The following PARD3B variants were observed in gnomAD, a reference collection of about 807,000 sequenced individuals.
PARD3B encodes the protein par-3 family cell polarity regulator beta.
PARD3B carries 103 observed loss-of-function variants against 130.2 expected under a neutral mutation model. The observed-to-expected ratio is 0.79, with a 90% CI of 0.67 to 0.93. The LOEUF (loss-of-function observed/expected upper bound fraction) is 0.93, where lower values mean the gene tolerates loss of function less well. Ranked by LOEUF, PARD3B falls within the 40% of genes least tolerant of loss-of-function variation. The probability of loss-of-function intolerance (pLI) is 0.00; values close to 1 mark genes in which losing one functional copy is unlikely to be tolerated. For synonymous variants in PARD3B, 583 were observed against 553.2 expected (o/e 1.05, Z -0.76); for missense variants, 1,609 against 1,499.2 (o/e 1.07, Z -1.21).
At chr2:205,031,879 A>G (rs1357407652) in intron 3 of PARD3B, among the ~76,000 whole-genome samples, 14 of 152,118 alleles carry the variant, frequency 9.2e-5, no homozygotes, top group Admixed American at 9.2e-4. Context: ...AGAGTCATGA[A>G]GTTTTGATCT....
At chr2:205,595,017 T>C (rs577184510) in intron 22 of PARD3B, among the ~76,000 whole-genome samples, 66 of 152,332 alleles carry the variant, frequency 4.3e-4, no homozygotes, top group African/African-American at 1.6e-3. Context: ...TTTTGTTTGT[T>C]TATTCACTTT....
intron 2 of PARD3B, among the ~76,000 whole-genome samples, chr2:204,932,605 A>G (rs1025209121): frequency 6.6e-6 from 1 of 152,206 alleles, no homozygotes; most frequent in Non-Finnish European, 1.5e-5. Flanking sequence ...AGAAGAATAG[A>G]TATCTAAATA....
At chr2:204,981,691 A>C (rs1035496229) in intron 3 of PARD3B, among the ~76,000 whole-genome samples, 7 of 152,238 alleles carry the variant, frequency 4.6e-5, no homozygotes, top group African/African-American at 1.7e-4. Flanking sequence ...GTGAGAAGAC[A>C]GTAACCATAA....
intron 19 of PARD3B, among the ~76,000 whole-genome samples, chr2:205,433,146 A>G (rs1487133378): frequency 6.6e-6 from 1 of 152,246 alleles, no homozygotes; most frequent in African/African-American, 2.4e-5. Flanking sequence ...ATATAACTCA[A>G]TTTATAAATA....
At position 205,241,984 on chromosome 2, in the gene PARD3B, T is replaced by C. The variant is rs2039373839; in HGVS notation, c.2141-3794T>C. On this transcript the variant is annotated intron_variant, in intron 15 of 22. Coordinates refer to ENST00000406610, the MANE Select transcript of PARD3B (RefSeq NM_001302769.2). The surrounding 1 kb of genome is among the most constrained non-coding windows in gnomAD (Gnocchi z 4.2). ...TGGTGGCATGTGTAATTTTACCTCA[T>C]TTTCTCATTTGCTACTGTTATTTAA... Among the ~76,000 whole-genome samples the C allele has an allele frequency of 1.3e-5, 2 of 152,200 alleles. No individual in the cohort carries two copies. The highest frequency in any genetic ancestry group is 6.5e-5 in the Admixed American group (1 of 15,274).
chr2:205,176,961 G>A lies in PARD3B; in HGVS notation c.1924+384G>A, dbSNP rs1328827150. Among the ~76,000 whole-genome samples, 2 of 152,124 alleles carry A rather than the reference G, an allele frequency of 1.3e-5. No individual in the cohort carries two copies. The highest frequency in any genetic ancestry group is 4.8e-5 in the African/African-American group (2 of 41,426). ...GTATGGATTTATAATCCATAAAATGGTCATAGCGTGATTCACAGATGATCC... is the reference window on the plus strand; with the variant it reads ...GTATGGATTTATAATCCATAAAATGATCATAGCGTGATTCACAGATGATCC... On this transcript the variant is annotated intron_variant, in intron 13 of 22. Coordinates refer to ENST00000406610, the MANE Select transcript of PARD3B (RefSeq NM_001302769.2). The surrounding 1 kb of genome is among the most constrained non-coding windows in gnomAD (Gnocchi z 5.3).
chr2:204,759,656 A>G (rs1484493559), intron 2 of PARD3B, among the ~76,000 whole-genome samples: 4 of 152,092 alleles, frequency 2.6e-5, no homozygotes, highest in Admixed American at 1.3e-4. Flanking sequence ...GTAAATGTAT[A>G]AATTACTAGT....
chr2:205,509,438 C>G (rs985465145), intron 21 of PARD3B, among the ~76,000 whole-genome samples: 2 of 152,090 alleles, frequency 1.3e-5, no homozygotes, highest in Non-Finnish European at 2.9e-5. Flanking sequence ...TCCAGATTCC[C>G]TGACCATTAA....
chr2:205,188,315 G>A (rs1188593063), intron 14 of PARD3B, among the ~76,000 whole-genome samples: 1 of 152,184 alleles, frequency 6.6e-6, no homozygotes, highest in Non-Finnish European at 1.5e-5. Flanking sequence ...TAAAGCTTGT[G>A]GTATCTCAGG....
At chr2:204,772,892 G>A (rs1415405101) in intron 2 of PARD3B, among the ~76,000 whole-genome samples, 2 of 151,976 alleles carry the variant, frequency 1.3e-5, no homozygotes, top group Non-Finnish European at 2.9e-5. Context: ...CAGTTTTGAA[G>A]AAATATAATT....
At chr2:204,579,788 GT>G (rs368955053) in intron 1 of PARD3B, among the ~76,000 whole-genome samples, 3 of 152,308 alleles carry the variant, frequency 2.0e-5, no homozygotes, top group African/African-American at 7.2e-5. Context: ...TGGGGAAGTA[GT>G]TTTCCTTGCT....
chr2:204,904,743 G>T (rs2046986045), intron 2 of PARD3B, among the ~76,000 whole-genome samples: 1 of 151,934 alleles, frequency 6.6e-6, no homozygotes, highest in South Asian at 2.1e-4. Context: ...TTAAGAGTGG[G>T]ATGTTAAATA....
chr2:205,535,517 A>G (rs749524598), intron 21 of PARD3B, among the ~76,000 whole-genome samples: 1 of 152,222 alleles, frequency 6.6e-6, no homozygotes, highest in East Asian at 1.9e-4. Context: ...AACTCCACAC[A>G]GTAATAATAC....
rs533896858 is a variant in PARD3B at position 205,011,596 on chromosome 2, G to A, written c.395-35985G>A. On this transcript the variant is annotated intron_variant, in intron 3 of 22. Coordinates refer to ENST00000406610, the MANE Select transcript of PARD3B (RefSeq NM_001302769.2). This position sits in a 1 kb window ranked among gnomAD's most constrained non-coding sequence, Gnocchi z 4.1. ...AAGGAACTACATAGTGTAAATCCAG[G>A]CAGTGGGGCTTGCTAGGTGGCCGTC... Among the ~76,000 whole-genome samples, 1 of 152,238 alleles carries A rather than the reference G, an allele frequency of 6.6e-6. No individual in the cohort carries two copies. The highest frequency in any genetic ancestry group is 2.1e-4 in the South Asian group (1 of 4,826).
intron 4 of PARD3B, among the ~76,000 whole-genome samples, chr2:205,060,787 TAG>T (rs1198427680): frequency 6.6e-6 from 1 of 152,172 alleles, no homozygotes; most frequent in Admixed American, 6.6e-5. Context: ...ATATAAAAAC[TAG>T]AGCTAGCCAC....
chr2:205,390,767 T>A (rs551589209), intron 18 of PARD3B, among the ~76,000 whole-genome samples: 2 of 152,322 alleles, frequency 1.3e-5, no homozygotes, highest in South Asian at 4.1e-4. Flanking sequence ...TTGTTCTCCA[T>A]GCATAACAAG....
intron 20 of PARD3B, among the ~76,000 whole-genome samples, chr2:205,462,172 A>T (rs571051108): frequency 6.6e-6 from 1 of 152,314 alleles, no homozygotes; most frequent in Admixed American, 6.5e-5. Flanking sequence ...GTTCTGGGAG[A>T]ATAAATTATT....
rs151244850 is a variant in PARD3B, at chr2:205,125,250, T to G, written c.1306-359T>G. The stretch of plus-strand genomic sequence containing the variant: ...ATTTGCAGAGAAATTTGCCTTGTGA[T>G]CATGGTTCACTCTGCTTGTTGAATT... On this transcript the variant is annotated intron_variant, in intron 9 of 22. Transcript: ENST00000406610. This position sits in a 1 kb window ranked among gnomAD's most constrained non-coding sequence, Gnocchi z 4.0. Among the ~76,000 whole-genome samples the G allele has an allele frequency of 7.1e-3, 1,074 of 152,328 alleles. 11 individuals are homozygous for G. Among genetic ancestry groups the G allele is most frequent in the African/African-American group, 0.024 (1,007 of 41,564 alleles).
intron 3 of PARD3B, among the ~76,000 whole-genome samples, chr2:204,979,272 T>C (rs1027777305): frequency 2.6e-5 from 4 of 151,780 alleles, no homozygotes; most frequent in African/African-American, 4.8e-5. Flanking sequence ...GATCAACAGA[T>C]GATTCAATCT....
Sources: allele counts gnomAD v4.1 joint callset (sites outside exome capture counted in the v4.1 genomes callset), GRCh38; gene constraint gnomAD v4.1.1; non-coding constraint Gnocchi (gnomAD v3.1); transcripts MANE v1.5; gene names NCBI Gene and HGNC (gene_info 2026-07-23, HGNC 2026-07-21).